Variants in CFAP69 observed in about 807,000 individuals in gnomAD.
CFAP69 encodes the protein cilia- and flagella-associated protein 69.
In CFAP69, 92 loss-of-function variants were observed where a neutral mutation model predicts 123.0. The ratio of observed to expected loss-of-function variants is 0.75; its 90% CI spans 0.63 to 0.89. CFAP69 has a LOEUF of 0.89. Among genes scored for constraint, CFAP69 ranks in the 40% least tolerant of loss-of-function variants. The pLI, the probability that CFAP69 is intolerant of heterozygous loss-of-function variation, is 0.00. For synonymous variants in CFAP69, 380 were observed against 364.3 expected, an observed-to-expected ratio of 1.04 and a Z score of -0.49; for missense variants, 1,067 against 1,096.9, an observed-to-expected ratio of 0.97 and a Z score of 0.39.
chr7:90,294,111 C>A (rs942931489), intron 15 of CFAP69, among the ~76,000 whole-genome samples: 4 of 152,150 alleles, frequency 2.6e-5, no homozygotes, highest in African/African-American at 9.7e-5. Context: ...TTCTTTACAA[C>A]CTTCTTTGCA....
intron 1 of CFAP69, among the ~76,000 whole-genome samples, chr7:90,254,816 A>ATC (rs1797448895): frequency 6.6e-6 from 1 of 152,202 alleles, no homozygotes; most frequent in African/African-American, 2.4e-5. Flanking sequence ...CTGATGGTAG[A>ATC]ATAGAGGATG....
chr7:90,301,944 C>T (rs1166903823), intron 17 of CFAP69: 1 of 152,194 alleles, frequency 6.6e-6, no homozygotes, highest in Non-Finnish European at 1.5e-5. Flanking sequence ...CTCCCAGCAA[C>T]AGTGTATAAG....
At chr7:90,273,759 A>G (rs17863974) in intron 8 of CFAP69, among the ~76,000 whole-genome samples, 6,772 of 152,118 alleles carry the variant, frequency 0.045, 197 homozygotes, top group South Asian at 0.11. Context: ...TCTGGGTTGC[A>G]TACTGCTGAT....
At chr7:90,281,194 G>A (rs1789435051) in intron 12 of CFAP69, among the ~76,000 whole-genome samples, 3 of 152,110 alleles carry the variant, frequency 2.0e-5, no homozygotes, top group African/African-American at 7.2e-5. Flanking sequence ...AGTCTAAGAA[G>A]CTAAATAATT....
intron 1 of CFAP69, among the ~76,000 whole-genome samples, chr7:90,250,224 GA>G (rs1796832069): frequency 8.6e-6 from 1 of 116,604 alleles, no homozygotes; most frequent in African/African-American, 3.3e-5. Flanking sequence ...GAGAGAGAGA[GA>G]GAGAGAGAGA....
At chr7:90,254,325 A>G (rs566978704) in intron 1 of CFAP69, among the ~76,000 whole-genome samples, 1 of 152,172 alleles carries the variant, frequency 6.6e-6, no homozygotes, top group South Asian at 2.1e-4. Flanking sequence ...CTCGCGGTCT[A>G]CTACTTAAAC....
intron 1 of CFAP69, among the ~76,000 whole-genome samples, chr7:90,251,722 G>T (rs1418670963): frequency 6.6e-6 from 1 of 152,172 alleles, no homozygotes; most frequent in African/African-American, 2.4e-5. Flanking sequence ...TCTAGGGAAG[G>T]TAGAGGGAGA....
chr7:90,309,935 T>C, intron 22 of CFAP69, 133 bp from the exon 23 acceptor site: 1 of 667,284 alleles, frequency 1.5e-6, no homozygotes, highest in South Asian at 2.3e-5. Flanking sequence ...TATCTTTCTA[T>C]TATACCATAA....
At chr7:90,293,531 C>T (rs1176741556) in intron 15 of CFAP69, among the ~76,000 whole-genome samples, 1 of 152,176 alleles carries the variant, frequency 6.6e-6, no homozygotes. Context: ...CTTGCTTAAA[C>T]CTTCAGCTTT....
At chr7:90,259,382 G>C (rs1225289445) in intron 3 of CFAP69, among the ~76,000 whole-genome samples, 2 of 152,208 alleles carry the variant, frequency 1.3e-5, no homozygotes, top group Non-Finnish European at 2.9e-5. Context: ...ATACTCCAGT[G>C]TGAACAACTG....
intron 2 of CFAP69, among the ~76,000 whole-genome samples, chr7:90,257,177 G>C (rs1460741824): frequency 6.6e-6 from 1 of 152,074 alleles, no homozygotes; most frequent in East Asian, 1.9e-4. Flanking sequence ...GTACCCATGT[G>C]GTACATGACG....
downstream of CFAP69, among the ~76,000 whole-genome samples, chr7:90,313,414 C>T (rs1794490587): frequency 1.3e-5 from 2 of 152,162 alleles, no homozygotes; most frequent in Admixed American, 6.5e-5. Flanking sequence ...GAATAGCAGA[C>T]CCTGACATCC....
chr7:90,257,861 T>C (rs1797834941), intron 2 of CFAP69, among the ~76,000 whole-genome samples: 1 of 152,196 alleles, frequency 6.6e-6, no homozygotes, highest in Non-Finnish European at 1.5e-5. Context: ...ATTGATACAC[T>C]GATTTCCTTT....
chr7:90,314,432 G>A (rs1341261008), downstream of CFAP69, among the ~76,000 whole-genome samples: 1 of 152,050 alleles, frequency 6.6e-6, no homozygotes, highest in Non-Finnish European at 1.5e-5. Flanking sequence ...AGACCAGCTT[G>A]GGCAATGGAG....
At chr7:90,304,317 G>T in intron 18 of CFAP69, 1 of 1,283,750 alleles carries the variant, frequency 7.8e-7, no homozygotes, top group Non-Finnish European at 9.8e-7. Context: ...ATTTTTTAAA[G>T]CTCCCCAGGC....
At chr7:90,303,409 A>G in intron 17 of CFAP69, 1 of 246,206 alleles carries the variant, frequency 4.1e-6, no homozygotes, top group South Asian at 1.5e-4. Flanking sequence ...GAATGCTTCC[A>G]GCTTTTCTCC....
intron 17 of CFAP69, 31 bp from the exon 18 acceptor site, chr7:90,303,938 C>T: frequency 1.3e-6 from 2 of 1,525,188 alleles, no homozygotes; most frequent in African/African-American, 1.4e-5. Context: ...TTATCTGTCC[C>T]TTTTCTATTT....
At chr7:90,277,015 C>A in intron 9 of CFAP69, 58 bp from the exon 10 acceptor site, 1 of 1,201,262 alleles carries the variant, frequency 8.3e-7, no homozygotes, top group Non-Finnish European at 1.2e-6. Context: ...TGAGCATCTG[C>A]ATCATAACTT....
intron 13 of CFAP69, among the ~76,000 whole-genome samples, chr7:90,284,595 G>A (rs1162241518): frequency 6.6e-6 from 1 of 152,186 alleles, no homozygotes; most frequent in East Asian, 1.9e-4. Flanking sequence ...CACTTAATGA[G>A]TAGGACAGAG....
Sources: allele counts gnomAD v4.1 joint callset (sites outside exome capture counted in the v4.1 genomes callset), GRCh38; gene constraint gnomAD v4.1.1; transcripts MANE v1.5; gene names NCBI Gene and HGNC (gene_info 2026-07-23, HGNC 2026-07-21).